The following DOCK4 variants were observed in gnomAD, a reference collection of about 807,000 sequenced individuals.
DOCK4 encodes the protein dedicator of cytokinesis 4, also known as dedicator of cytokinesis protein 4.
In DOCK4, 97 loss-of-function variants were observed where a neutral mutation model predicts 268.1. The ratio of observed to expected loss-of-function variants is 0.36; its 90% confidence interval spans 0.31 to 0.43. The LOEUF (loss-of-function observed/expected upper bound fraction) is 0.43, where lower values mean the gene tolerates loss of function less well. Ranked by LOEUF, DOCK4 falls within the 20% of genes least tolerant of loss-of-function variation. DOCK4 has a pLI of 1.00. For missense variants in DOCK4, 2,145 were observed against 2,455.7 expected (o/e 0.87, Z 2.67); for synonymous variants, 954 against 887.2 (o/e 1.08, Z -1.34).
At chr7:112,006,446 T>C (rs1163466080) in intron 1 of DOCK4, among the ~76,000 whole-genome samples, 1 of 152,230 alleles carries the variant, frequency 6.6e-6, no homozygotes, top group Non-Finnish European at 1.5e-5. Flanking sequence ...ATAGGAGTTG[T>C]TTAAAACTGG....
chr7:111,885,782 T>A (rs1427195110), intron 16 of DOCK4, among the ~76,000 whole-genome samples: 1 of 152,032 alleles, frequency 6.6e-6, no homozygotes, highest in Admixed American at 6.6e-5. Flanking sequence ...ATACTTGGAG[T>A]CTGAAATCAG....
chr7:111,984,507 T>A, intron 6 of DOCK4, 117 bp from the exon 7 acceptor site: 1 of 792,822 alleles, frequency 1.3e-6, no homozygotes, highest in Non-Finnish European at 2.0e-6. Context: ...CATGCTTCTC[T>A]CACCTTGTAT....
chr7:111,778,700 G>A (rs112648765), intron 35 of DOCK4, among the ~76,000 whole-genome samples: 3 of 152,044 alleles, frequency 2.0e-5, no homozygotes, highest in African/African-American at 7.2e-5. Context: ...TTTTTAACTT[G>A]GCCGATTGAT....
chr7:111,791,070 TTA>T (rs35033313), intron 30 of DOCK4, among the ~76,000 whole-genome samples: 5,075 of 95,316 alleles, frequency 0.053, 337 homozygotes, highest in African/African-American at 0.2. Flanking sequence ...AAAAAAAAAA[TTA>T]TATATATATA....
At chr7:112,101,720 C>T (rs1037315668) in intron 1 of DOCK4, among the ~76,000 whole-genome samples, 3 of 152,152 alleles carry the variant, frequency 2.0e-5, no homozygotes, top group African/African-American at 7.2e-5. Flanking sequence ...ATCTGTAGTT[C>T]GTTCTTGAAC....
At position 112,106,741 on chromosome 7, in the gene DOCK4, G is replaced by A. The variant is rs574523341; in HGVS notation, c.37+99361C>T. 3.3e-5 allele frequency among the ~76,000 whole-genome samples: 5 copies of A among 152,316 alleles called. No individual in the cohort carries two copies. The East Asian group carries it at 9.6e-4, about 29-fold the overall frequency. ...TTTATTTAACATTTGCCAGTTGAAT[G>A]CAGAGAATGAAGATTCCTGTGCGGA... On this transcript the variant is annotated intron_variant, in intron 1 of 52. Coordinates refer to ENST00000428084, the MANE Select transcript of DOCK4 (RefSeq NM_001363540.2).
At chr7:111,804,313 T>C (rs1800511402) in intron 30 of DOCK4, among the ~76,000 whole-genome samples, 1 of 152,210 alleles carries the variant, frequency 6.6e-6, no homozygotes, top group African/African-American at 2.4e-5. Context: ...GGACAATCTG[T>C]TAAGCAAAAT....
At chr7:111,767,187 A>G in intron 37 of DOCK4, 69 bp from the exon 38 acceptor site, 1 of 1,317,334 alleles carries the variant, frequency 7.6e-7, no homozygotes, top group South Asian at 1.2e-5. Flanking sequence ...CAAAAGTCAG[A>G]ACATGAGTGC....
At chr7:112,137,849 T>C (rs1057073509) in intron 1 of DOCK4, among the ~76,000 whole-genome samples, 1 of 152,230 alleles carries the variant, frequency 6.6e-6, no homozygotes, top group African/African-American at 2.4e-5. Flanking sequence ...AGTTTTCTCA[T>C]CTGTAAAACA....
At chr7:112,008,083 T>C (rs1801001145) in intron 1 of DOCK4, among the ~76,000 whole-genome samples, 1 of 152,200 alleles carries the variant, frequency 6.6e-6, no homozygotes, top group South Asian at 2.1e-4. Flanking sequence ...AACAGTTTCT[T>C]ATAAATTGAT....
At chr7:112,122,219 TA>T (rs753302706) in intron 1 of DOCK4, among the ~76,000 whole-genome samples, 21 of 152,308 alleles carry the variant, frequency 1.4e-4, no homozygotes, top group African/African-American at 4.6e-4. Context: ...TAGTCATTTT[TA>T]AGTGTACAGT....
intron 1 of DOCK4, among the ~76,000 whole-genome samples, chr7:112,199,025 A>T (rs1044895730): frequency 6.6e-6 from 1 of 152,216 alleles, no homozygotes; most frequent in Non-Finnish European, 1.5e-5. Context: ...TTGTCACATA[A>T]ACTTTAAGGG....
At chr7:111,916,032 A>T in intron 12 of DOCK4, 128 bp from the exon 13 acceptor site, 1 of 952,120 alleles carries the variant, frequency 1.1e-6, no homozygotes, top group Non-Finnish European at 1.6e-6. Flanking sequence ...TTCCGACGAA[A>T]TCGACAGAAT....
Position 111,728,548 on chromosome 7 carries a change from A to G in DOCK4, c.5654T>C (p.Leu1885Pro). The part of the protein sequence containing the change: ...ENQVNEQSAP[L>P]PVPVPVPVPS... Reference sequence around the variant, plus strand: ...CACGGGCACCGGCACTGGCACCGGCAGGGGGGCCGACTGTTCATTCACCTG... The same window carrying G: ...CACGGGCACCGGCACTGGCACCGGCGGGGGGGCCGACTGTTCATTCACCTG... The change falls in exon 53 of 53, where the codon CTG becomes CCG. Residue 1885 changes from leucine (L) to proline (P), a missense_variant. Leu to Pro is a moderately conservative substitution (Grantham distance 98). This residue lies in a region of DOCK4 where 547 missense variants were observed against 469.0 expected (regional missense o/e 1.17). Coordinates refer to ENST00000428084, the MANE Select transcript of DOCK4 (RefSeq NM_001363540.2). 1.9e-6 allele frequency: 3 copies of G among 1,613,794 alleles called. No individual in the cohort carries two copies. Among genetic ancestry groups the G allele is most frequent in the South Asian group, 1.1e-5 (1 of 91,082 alleles).
intron 12 of DOCK4, among the ~76,000 whole-genome samples, chr7:111,927,537 C>T (rs1246850668): frequency 6.6e-6 from 1 of 152,134 alleles, no homozygotes; most frequent in Non-Finnish European, 1.5e-5. Flanking sequence ...TCCTTTTTAA[C>T]TAAGGGGAAT....
At chr7:111,989,237 G>A in intron 5 of DOCK4, 74 bp from the exon 6 acceptor site, 4 of 1,574,994 alleles carry the variant, frequency 2.5e-6, no homozygotes, top group Non-Finnish European at 3.5e-6. Flanking sequence ...AAAAGGAAAG[G>A]GAAGAGGCCC....
intron 1 of DOCK4, among the ~76,000 whole-genome samples, chr7:112,065,355 C>G (rs1806824330): frequency 6.6e-6 from 1 of 151,996 alleles, no homozygotes; most frequent in Non-Finnish European, 1.5e-5. Context: ...GAGACTGCTT[C>G]CCTCTCTGGG....
At chr7:112,131,707 TGAGA>T (rs1813816244) in intron 1 of DOCK4, among the ~76,000 whole-genome samples, 1 of 151,602 alleles carries the variant, frequency 6.6e-6, no homozygotes, top group African/African-American at 2.4e-5. Context: ...TGTCAGCTAA[TGAGA>T]AAGAGAAAAA....
At chr7:111,742,916 C>T (rs372438341) in intron 44 of DOCK4, among the ~76,000 whole-genome samples, 4 of 151,542 alleles carry the variant, frequency 2.6e-5, no homozygotes, top group East Asian at 1.9e-4. Flanking sequence ...TGCTTGAATC[C>T]GGGAGGTGGA....
Sources: allele counts gnomAD v4.1 joint callset (sites outside exome capture counted in the v4.1 genomes callset), GRCh38; gene constraint gnomAD v4.1.1; regional missense constraint gnomAD v4.1.1; transcripts MANE v1.5; gene names NCBI Gene and HGNC (gene_info 2026-07-23, HGNC 2026-07-21).